Variants in IFT81 observed in about 807,000 individuals in gnomAD.
IFT81 encodes intraflagellar transport 81.
In IFT81, 72 loss-of-function variants were observed where a neutral mutation model predicts 102.6. The ratio of observed to expected loss-of-function variants is 0.70; its 90% CI spans 0.58 to 0.85. The LOEUF is 0.85. Ranked by LOEUF, IFT81 falls within the 40% of genes least tolerant of loss-of-function variation. The pLI is 0.00. For missense variants in IFT81, 723 were observed against 787.3 expected (o/e 0.92, Z 0.98); for synonymous variants, 237 against 242.7 (o/e 0.98, Z 0.22).
At chr12:110,196,913 T>C (rs1317620029) in intron 14 of IFT81, among the ~76,000 whole-genome samples, 2 of 151,958 alleles carry the variant, frequency 1.3e-5, no homozygotes, top group African/African-American at 4.8e-5. Context: ...ATAAATAGCA[T>C]GTAGGGCCAG....
chr12:110,130,235 T>C (rs1894082614), intron 4 of IFT81, among the ~76,000 whole-genome samples: 1 of 152,218 alleles, frequency 6.6e-6, no homozygotes, highest in African/African-American at 2.4e-5. Flanking sequence ...TGAGACCACC[T>C]GTCCTTACCT....
rs756127036 is a variant in IFT81 at position 110,205,525 on chromosome 12, G to A, written c.1716+11G>A. 1.9e-6 allele frequency: 3 copies of A among 1,590,312 alleles called. No individual in the cohort carries two copies. The highest frequency in any genetic ancestry group is 1.9e-5 in the Admixed American group (1 of 53,708). On this transcript the variant is annotated intron_variant, in intron 16 of 18. Coordinates refer to ENST00000242591, the MANE Select transcript of IFT81 (RefSeq NM_014055.4). ...AATTGTATGATTAAGGTAAGACAAAGTAGATCAAAAACATTTCTGAGTTTT... is the reference window on the plus strand; with the variant it reads ...AATTGTATGATTAAGGTAAGACAAAATAGATCAAAAACATTTCTGAGTTTT...
At chr12:110,138,858 T>A (rs1365960484) in intron 8 of IFT81, among the ~76,000 whole-genome samples, 1 of 152,242 alleles carries the variant, frequency 6.6e-6, no homozygotes, top group Non-Finnish European at 1.5e-5. Context: ...TTTGCTGACA[T>A]CTTAGTGACC....
intron 14 of IFT81, among the ~76,000 whole-genome samples, chr12:110,196,767 GT>G (rs1898019188): frequency 6.6e-6 from 1 of 152,138 alleles, no homozygotes; most frequent in Non-Finnish European, 1.5e-5. Flanking sequence ...ATTATGGTAC[GT>G]AATGGTTTTT....
intron 5 of IFT81, 148 bp downstream of exon 5, chr12:110,132,784 G>A: frequency 2.0e-6 from 1 of 508,410 alleles, no homozygotes; most frequent in East Asian, 4.0e-5. Context: ...ACCTTTGGTA[G>A]TTCCTTACTG....
At chr12:110,146,103 T>G (rs544767457) in intron 9 of IFT81, among the ~76,000 whole-genome samples, 123 of 152,284 alleles carry the variant, frequency 8.1e-4, no homozygotes, top group African/African-American at 2.8e-3. Context: ...TGAGCCACCG[T>G]GCCCGGCCTA....
rs1894391595 is a variant in IFT81 at position 110,134,987 on chromosome 12, AAG to A, written c.564_565del (p.Arg188SerfsTer2). 6.2e-7 allele frequency: 1 copy of A among 1,611,060 alleles called. No homozygotes were observed. The highest frequency in any genetic ancestry group is 1.7e-5 in the Admixed American group (1 of 59,090). On this transcript the variant is annotated frameshift_variant, in exon 6 of 19. Transcript: ENST00000242591. LOFTEE classifies it high-confidence loss of function. ...GGAAGAAGAAAAGGATCAGCTCATT[AAG>A]AGAGTTGAACATTTGAAGAAAAGGG... The part of the protein sequence containing the change: ...AMEEEKDQLI[K>X]RVEHLKKRVE...
chr12:110,191,032 A>G lies in IFT81; in HGVS notation c.1451A>G (p.Asp484Gly). 11 of 1,606,462 alleles carry G rather than the reference A, an allele frequency of 6.8e-6. No individual in the cohort carries two copies. The highest frequency in any genetic ancestry group is 9.3e-6 in the Non-Finnish European group (11 of 1,177,410). The change falls in exon 13 of 19, where the codon GAT becomes GGT. Residue 484 changes from aspartate (D) to glycine (G), a missense_variant. Asp to Gly is a moderately conservative substitution (Grantham distance 94, BLOSUM62 -1). Coordinates refer to ENST00000242591, the MANE Select transcript of IFT81 (RefSeq NM_014055.4). ...EVDEMKGRTL[D>G]DMSEMVKKLY... ...GATGAAATGAAAGGACGAACATTGG[A>G]TGATATGTCTGAAATGGTGATGATA...
chr12:110,141,707 C>A (rs1593291369), intron 8 of IFT81, among the ~76,000 whole-genome samples: 1 of 152,086 alleles, frequency 6.6e-6, no homozygotes, highest in Non-Finnish European at 1.5e-5. Flanking sequence ...CATGGTGAAA[C>A]CCTGTCTCTA....
In IFT81 at chr12:110,152,260, C is replaced by T. The variant is rs547119854; in HGVS notation, c.1041+5212C>T. Among the ~76,000 whole-genome samples, 27 of 152,302 alleles carry T rather than the reference C, an allele frequency of 1.8e-4. 1 individual carries two copies. Among genetic ancestry groups the T allele is most frequent in the Middle Eastern group, 3.4e-3 (1 of 294 alleles). On this transcript the variant is annotated intron_variant, in intron 10 of 18. Coordinates refer to ENST00000242591, the MANE Select transcript of IFT81 (RefSeq NM_014055.4). ...TTTCTATAATGGCTATACTAATTTACATTCCCATCCACAGTGTACCAGAGT... is the reference window on the plus strand; with the variant it reads ...TTTCTATAATGGCTATACTAATTTATATTCCCATCCACAGTGTACCAGAGT...
chr12:110,193,712 G>T (rs1897890490), intron 14 of IFT81, among the ~76,000 whole-genome samples: 1 of 152,100 alleles, frequency 6.6e-6, no homozygotes, highest in South Asian at 2.1e-4. Context: ...TACTTTAATG[G>T]ACAACCCTGA....
At chr12:110,137,587 T>A (rs1282597191) in intron 8 of IFT81, among the ~76,000 whole-genome samples, 2 of 151,684 alleles carry the variant, frequency 1.3e-5, no homozygotes, top group Non-Finnish European at 2.9e-5. Context: ...TACAAAAAAA[T>A]TAGCTGGGCA....
chr12:110,210,190 C>G (rs1004380883), intron 18 of IFT81, among the ~76,000 whole-genome samples: 1 of 152,150 alleles, frequency 6.6e-6, no homozygotes, highest in Non-Finnish European at 1.5e-5. Flanking sequence ...GGAAAGATGA[C>G]CAGTCATCAA....
At position 110,127,456 on chromosome 12, in the gene IFT81, T is replaced by C. The variant is rs1295050812; in HGVS notation, c.76T>C (p.Phe26Leu). The C allele has an allele frequency of 3.7e-6, 6 of 1,609,934 alleles. No individual in the cohort carries two copies. The highest frequency in any genetic ancestry group is 1.7e-5 in the Admixed American group (1 of 59,360). Reference sequence around the variant, plus strand: ...TAGGAAGAACTATAATTTAATCACGTTTGATTCCTTGGAGCCAATGCAACT... The same window carrying C: ...TAGGAAGAACTATAATTTAATCACGCTTGATTCCTTGGAGCCAATGCAACT... ...PFRKNYNLIT[F>L]DSLEPMQLLQ... The change falls in exon 2 of 19, where the codon TTT becomes CTT. Residue 26 changes from phenylalanine (F) to leucine (L), a missense_variant. Phe to Leu is a conservative substitution (Grantham distance 22, BLOSUM62 0). Coordinates refer to ENST00000242591, the MANE Select transcript of IFT81 (RefSeq NM_014055.4).
intron 6 of IFT81, 42 bp from the exon 7 acceptor site, chr12:110,135,285 C>A: frequency 3.0e-6 from 4 of 1,336,742 alleles, no homozygotes; most frequent in Non-Finnish European, 2.1e-6. Flanking sequence ...TTTTTTTCTT[C>A]AAACCTGACA....
At chr12:110,161,388 T>C (rs1292311355) in intron 10 of IFT81, among the ~76,000 whole-genome samples, 1 of 151,932 alleles carries the variant, frequency 6.6e-6, no homozygotes, top group Non-Finnish European at 1.5e-5. Flanking sequence ...CCTCAGATAA[T>C]CCACCCACCG....
At chr12:110,184,562 A>C (rs1371894421) in intron 12 of IFT81, among the ~76,000 whole-genome samples, 1 of 152,208 alleles carries the variant, frequency 6.6e-6, no homozygotes, top group Non-Finnish European at 1.5e-5. Context: ...GATTACATGT[A>C]CAAAAGATTT....
chr12:110,126,349 C>G (rs1893842889), intron 1 of IFT81, among the ~76,000 whole-genome samples: 1 of 150,990 alleles, frequency 6.6e-6, no homozygotes, highest in East Asian at 1.9e-4. Flanking sequence ...GTGTGGTCAG[C>G]TATGAAGGAC....
intron 10 of IFT81, among the ~76,000 whole-genome samples, chr12:110,155,749 T>C (rs553840970): frequency 6.6e-6 from 1 of 152,336 alleles, no homozygotes; most frequent in South Asian, 2.1e-4. Context: ...AGCTTTTTTG[T>C]TCCTCGTTTC....
Sources: allele counts gnomAD v4.1 joint callset (sites outside exome capture counted in the v4.1 genomes callset), GRCh38; gene constraint gnomAD v4.1.1; transcripts MANE v1.5; gene names NCBI Gene and HGNC (gene_info 2026-07-23, HGNC 2026-07-21).